ADGRL4: variants seen among roughly 807,000 people sequenced by gnomAD.
ADGRL4 encodes the protein adhesion G protein-coupled receptor L4.
A neutral mutation model predicts 74.8 loss-of-function variants in ADGRL4; 90 were observed. The observed-to-expected ratio is 1.20, with a 90% CI of 1.02 to 1.43. The LOEUF (loss-of-function observed/expected upper bound fraction) is 1.43. Among genes scored for constraint, ADGRL4 ranks in the 40% most tolerant of loss-of-function variants. The pLI is 0.00. For missense variants in ADGRL4, 881 were observed against 814.3 expected (o/e 1.08, Z -1.00); for synonymous variants, 311 against 279.2 (o/e 1.11, Z -1.14).
intron 12 of ADGRL4, among the ~76,000 whole-genome samples, chr1:78,915,752 G>C (rs1178043804): frequency 2.0e-5 from 3 of 151,632 alleles, no homozygotes; most frequent in African/African-American, 4.8e-5. Context: ...TACTATTCTT[G>C]GGCAACAGGA....
chr1:78,984,947 A>C (rs150639389), intron 2 of ADGRL4, among the ~76,000 whole-genome samples: 1,858 of 151,824 alleles, frequency 0.012, 27 homozygotes, highest in Non-Finnish European at 0.014. Flanking sequence ...TTAGTATGGC[A>C]AATGGTCAAC....
At chr1:78,967,715 T>C (rs947528312) in intron 2 of ADGRL4, among the ~76,000 whole-genome samples, 1 of 152,146 alleles carries the variant, frequency 6.6e-6, no homozygotes, top group African/African-American at 2.4e-5. Flanking sequence ...AAATCAAACA[T>C]TGAAATAAAA....
intron 2 of ADGRL4, among the ~76,000 whole-genome samples, chr1:78,980,702 G>A (rs1169649575): frequency 1.3e-5 from 2 of 151,746 alleles, no homozygotes; most frequent in East Asian, 1.9e-4. Context: ...TCACAGAATC[G>A]CAAGGCTGGA....
At chr1:78,937,433 A>C (rs12404123) in intron 6 of ADGRL4, among the ~76,000 whole-genome samples, 13,603 of 152,280 alleles carry the variant, frequency 0.089, 814 homozygotes, top group East Asian at 0.33. Flanking sequence ...TGACAGAGCC[A>C]GACTTTGTCT....
At chr1:78,940,680 C>A (rs939215979) in intron 3 of ADGRL4, among the ~76,000 whole-genome samples, 1 of 152,214 alleles carries the variant, frequency 6.6e-6, no homozygotes, top group Admixed American at 6.5e-5. Flanking sequence ...GAACATCTAA[C>A]CTTAAATTTA....
chr1:78,892,935 CTT>C (rs1379178536), intron 13 of ADGRL4, among the ~76,000 whole-genome samples, 161 bp downstream of exon 13: 1 of 151,410 alleles, frequency 6.6e-6, no homozygotes, highest in East Asian at 1.9e-4. Context: ...TAATTGTAGT[CTT>C]AATATACATA....
At chr1:78,995,580 G>A in intron 2 of ADGRL4, among the ~76,000 whole-genome samples, 1 of 152,204 alleles carries the variant, frequency 6.6e-6, no homozygotes, top group East Asian at 1.9e-4. Flanking sequence ...AGGGCACTGA[G>A]CTTACAGGCA....
chr1:78,939,499 A>C lies in ADGRL4; in HGVS notation c.326-241T>G, dbSNP rs1017507691. ...TATCTACAATTTTGATTAAATTAAA[A>C]AAAATAGGCTTTCATTTCTTTGTTC... On this transcript the variant is annotated intron_variant, in intron 3 of 14. Coordinates refer to ENST00000370742, the MANE Select transcript of ADGRL4 (RefSeq NM_022159.4). 5 of 257,256 alleles carry C rather than the reference A, an allele frequency of 1.9e-5. No individual in the cohort carries two copies. In the Admixed American group the frequency reaches 2.2e-4, roughly 11 times the overall value. 15.9% of individuals were successfully genotyped at this position (257,256 alleles called of 1,614,324 possible). A position where few individuals can be genotyped will look rare whatever the true frequency, so the allele number is the denominator to read the frequency against.
chr1:78,986,020 C>T (rs757781541), intron 2 of ADGRL4, among the ~76,000 whole-genome samples: 13 of 151,550 alleles, frequency 8.6e-5, no homozygotes, highest in Non-Finnish European at 1.6e-4. Context: ...GGGGCCTACT[C>T]GGGGGTGGAA....
intron 2 of ADGRL4, among the ~76,000 whole-genome samples, chr1:78,980,962 C>A (rs1158958429): frequency 6.6e-6 from 1 of 151,988 alleles, no homozygotes; most frequent in Non-Finnish European, 1.5e-5. Context: ...AGGTTAGTCT[C>A]CCTTATGTTA....
At chr1:78,950,278 C>T (rs548629870) in intron 2 of ADGRL4, among the ~76,000 whole-genome samples, 1 of 152,148 alleles carries the variant, frequency 6.6e-6, no homozygotes, top group Non-Finnish European at 1.5e-5. Flanking sequence ...TGCCTGGAGT[C>T]CTGCAGGAAC....
chr1:78,915,977 G>A (rs1648861448), intron 12 of ADGRL4, among the ~76,000 whole-genome samples: 1 of 151,790 alleles, frequency 6.6e-6, no homozygotes, highest in Admixed American at 6.6e-5. Context: ...TAAGTAGACT[G>A]ACCCCCTGGT....
At chr1:78,924,871 T>C (rs970864923) in intron 8 of ADGRL4, among the ~76,000 whole-genome samples, 3 of 152,172 alleles carry the variant, frequency 2.0e-5, no homozygotes, top group Admixed American at 2.0e-4. Context: ...CAGCAGAAGA[T>C]GTGTGTAAGA....
intron 7 of ADGRL4, among the ~76,000 whole-genome samples, chr1:78,929,751 A>G (rs1649200008): frequency 6.6e-6 from 1 of 151,504 alleles, no homozygotes; most frequent in Non-Finnish European, 1.5e-5. Context: ...GACAGCTAAT[A>G]TTACTGTCCC....
intron 2 of ADGRL4, among the ~76,000 whole-genome samples, chr1:78,966,916 T>TA (rs34217460): frequency 0.06 from 8,838 of 146,338 alleles, 288 homozygotes; most frequent in South Asian, 0.098. Context: ...CTAGGAATGA[T>TA]AAAAAAAAAA....
intron 8 of ADGRL4, among the ~76,000 whole-genome samples, chr1:78,923,801 G>A (rs987148703): frequency 5.8e-4 from 88 of 151,516 alleles, no homozygotes; most frequent in African/African-American, 2.0e-3. Context: ...TTAAAAATAG[G>A]AATGAAAAAG....
At chr1:78,920,074 A>C in intron 10 of ADGRL4, 109 bp downstream of exon 10, 1 of 772,854 alleles carries the variant, frequency 1.3e-6, no homozygotes, top group East Asian at 2.8e-5. Flanking sequence ...AATTATAGAG[A>C]ACGTCTGCCC....
chr1:78,993,100 G>T (rs754407296), intron 2 of ADGRL4, among the ~76,000 whole-genome samples: 1 of 151,780 alleles, frequency 6.6e-6, no homozygotes, highest in Non-Finnish European at 1.5e-5. Flanking sequence ...GTTAAAATAC[G>T]TTTTTTTAAT....
intron 12 of ADGRL4, among the ~76,000 whole-genome samples, chr1:78,898,859 G>C (rs967826391): frequency 6.6e-6 from 1 of 152,010 alleles, no homozygotes; most frequent in African/African-American, 2.4e-5. Context: ...TTGACAGTGT[G>C]TTAAAATTTT....
Sources: allele counts gnomAD v4.1 joint callset (sites outside exome capture counted in the v4.1 genomes callset), GRCh38; gene constraint gnomAD v4.1.1; transcripts MANE v1.5; gene names NCBI Gene and HGNC (gene_info 2026-07-23, HGNC 2026-07-21).